CTNNA2: variants seen among roughly 807,000 people sequenced by gnomAD.
The protein encoded by CTNNA2 is catenin alpha-2.
A neutral mutation model predicts 101.0 loss-of-function variants in CTNNA2; 42 were observed. That is an observed-to-expected ratio of 0.42 (90% confidence interval 0.32 to 0.54). CTNNA2 has a LOEUF of 0.54. Ranked by LOEUF, CTNNA2 falls within the 20% of genes least tolerant of loss-of-function variation. CTNNA2 has a pLI of 0.14. For synonymous variants in CTNNA2, 450 were observed against 456.4 expected (o/e 0.99, Z 0.18); for missense variants, 871 against 1,223.1 (o/e 0.71, Z 4.29).
At position 79,382,616 on chromosome 2, in the gene CTNNA2, A is replaced by T. The variant is rs1387629421; in HGVS notation, c.-135+8603A>T. On this transcript the variant is annotated intron_variant, in intron 4 of 21. Transcript: ENST00000466387. ...ATCCCAAAATAAAATAAACTATTAA[A>T]TTTTTTTTCTTTTTTTGAGACACTC... is the stretch of plus-strand genomic sequence containing the variant. Among the ~76,000 whole-genome samples, 5 of 151,806 alleles carry T rather than the reference A, an allele frequency of 3.3e-5. 1 individual carries two copies. In the South Asian group the frequency reaches 6.2e-4, roughly 19 times the overall value.
chr2:79,672,411 T>C (rs960030893), intron 2 of CTNNA2, among the ~76,000 whole-genome samples: 7 of 152,100 alleles, frequency 4.6e-5, no homozygotes, highest in African/African-American at 1.7e-4. Flanking sequence ...AATAGAAATG[T>C]CCAATTATTC....
chr2:79,282,279 T>C (rs1175494495), intron 2 of CTNNA2, among the ~76,000 whole-genome samples: 1 of 152,118 alleles, frequency 6.6e-6, no homozygotes, highest in Non-Finnish European at 1.5e-5. Flanking sequence ...TATTATACTT[T>C]AAGTTTTAGG....
chr2:79,432,179 A>G (rs548607641), intron 4 of CTNNA2, among the ~76,000 whole-genome samples: 2 of 152,186 alleles, frequency 1.3e-5, no homozygotes, highest in Admixed American at 1.3e-4. Context: ...AAAAGCTCCA[A>G]AGATGGCTTA....
At chr2:79,938,998 A>ACC (rs1687971717) in intron 7 of CTNNA2, among the ~76,000 whole-genome samples, 2 of 152,166 alleles carry the variant, frequency 1.3e-5, no homozygotes, top group Admixed American at 1.3e-4. Context: ...ATCGATATTA[A>ACC]CAGGTGGAGT....
At chr2:79,402,922 A>G (rs1235864003) in intron 4 of CTNNA2, among the ~76,000 whole-genome samples, 1 of 151,888 alleles carries the variant, frequency 6.6e-6, no homozygotes, top group Non-Finnish European at 1.5e-5. Flanking sequence ...ATGAGTAAAA[A>G]TGAAAATACA....
intron 3 of CTNNA2, among the ~76,000 whole-genome samples, chr2:79,790,275 A>T (rs1675168903): frequency 6.6e-6 from 1 of 152,208 alleles, no homozygotes; most frequent in African/African-American, 2.4e-5. Context: ...TACCAAGCCA[A>T]ATGGTGTCAG....
chr2:80,201,528 C>A (rs1707211998), intron 7 of CTNNA2, among the ~76,000 whole-genome samples: 1 of 151,900 alleles, frequency 6.6e-6, no homozygotes, highest in African/African-American at 2.4e-5. Context: ...CGCCTGCCAC[C>A]ATGCCTGGCT....
intron 7 of CTNNA2, among the ~76,000 whole-genome samples, chr2:79,977,202 ACGTG>A (rs1030344650): frequency 2.7e-5 from 4 of 148,270 alleles, no homozygotes; most frequent in African/African-American, 1.0e-4. Context: ...GTACACACAC[ACGTG>A]CACATGCATA....
chr2:79,324,969 A>T (rs1676712855), intron 3 of CTNNA2, among the ~76,000 whole-genome samples: 1 of 152,128 alleles, frequency 6.6e-6, no homozygotes, highest in African/African-American at 2.4e-5. Context: ...TTGCTGATAA[A>T]ACGGAGCTAC....
intron 1 of CTNNA2, among the ~76,000 whole-genome samples, chr2:79,611,932 T>G (rs988023704): frequency 2.0e-5 from 3 of 152,160 alleles, no homozygotes; most frequent in Non-Finnish European, 4.4e-5. Flanking sequence ...GTTTTAAATG[T>G]CACTTCTCTG....
chr2:79,240,478 T>C (rs1232065876), intron 2 of CTNNA2, among the ~76,000 whole-genome samples: 1 of 152,134 alleles, frequency 6.6e-6, no homozygotes, highest in East Asian at 1.9e-4. Context: ...AGGTATTTAG[T>C]TTTCTATTCC....
At chr2:79,953,968 C>T (rs555797339) in intron 7 of CTNNA2, among the ~76,000 whole-genome samples, 2 of 152,252 alleles carry the variant, frequency 1.3e-5, no homozygotes, top group East Asian at 1.9e-4. Flanking sequence ...TTCATTTTCA[C>T]ACTGCTATCT....
intron 3 of CTNNA2, among the ~76,000 whole-genome samples, chr2:79,838,942 C>T (rs565159785): frequency 6.6e-6 from 1 of 152,042 alleles, no homozygotes; most frequent in Non-Finnish European, 1.5e-5. Context: ...TGTGCTGCCA[C>T]CACCATTAGT....
At chr2:80,346,534 A>T (rs1287514359) in intron 7 of CTNNA2, among the ~76,000 whole-genome samples, 1 of 152,146 alleles carries the variant, frequency 6.6e-6, no homozygotes, top group Non-Finnish European at 1.5e-5. Flanking sequence ...TTACAATTCA[A>T]CATGAAATTG....
intron 4 of CTNNA2, among the ~76,000 whole-genome samples, chr2:79,865,690 T>C (rs1163018338): frequency 6.6e-6 from 1 of 152,234 alleles, no homozygotes; most frequent in Non-Finnish European, 1.5e-5. Context: ...ATTTAATGAA[T>C]AAATGAATTA....
chr2:79,185,935 T>C (rs903695355), intron 1 of CTNNA2, among the ~76,000 whole-genome samples: 1 of 152,306 alleles, frequency 6.6e-6, no homozygotes, highest in East Asian at 1.9e-4. Flanking sequence ...GTCAGATATA[T>C]GTTTTTTAAG....
chr2:79,460,018 G>A lies in CTNNA2; in HGVS notation c.-134-45036G>A, dbSNP rs189066301. Among the ~76,000 whole-genome samples, 31 of 152,172 alleles carry A rather than the reference G, an allele frequency of 2.0e-4. 2 individuals are homozygous for A. Among genetic ancestry groups the A allele is most frequent in the African/African-American group, 7.5e-4 (31 of 41,502 alleles). On this transcript the variant is annotated intron_variant, in intron 4 of 21. Coordinates refer to the CTNNA2 transcript ENST00000466387. ...CTCTTTTTCTACTGTTGTATCCTGT[G>A]TACCTAGGACATTGCCTAGTGTCTT...
intron 9 of CTNNA2, among the ~76,000 whole-genome samples, chr2:80,539,195 C>A (rs1224744875): frequency 6.6e-6 from 1 of 152,020 alleles, no homozygotes; most frequent in African/African-American, 2.4e-5. Context: ...TGTCACTCTG[C>A]TTTTGGCTTC....
intron 1 of CTNNA2, among the ~76,000 whole-genome samples, chr2:79,629,875 T>C (rs1460174325): frequency 6.6e-6 from 1 of 152,152 alleles, no homozygotes; most frequent in Admixed American, 6.5e-5. Flanking sequence ...GATTCCCAAA[T>C]GTATCAAACA....
Sources: allele counts gnomAD v4.1 joint callset (sites outside exome capture counted in the v4.1 genomes callset), GRCh38; gene constraint gnomAD v4.1.1; transcripts MANE v1.5; gene names NCBI Gene and HGNC (gene_info 2026-07-23, HGNC 2026-07-21).